FRMPD4: variants seen among roughly 807,000 people sequenced by gnomAD.
The protein encoded by FRMPD4 is FERM and PDZ domain-containing protein 4.
FRMPD4 carries 22 observed loss-of-function variants against 94.1 expected under a neutral mutation model. The observed-to-expected ratio is 0.23, with a 90% confidence interval of 0.17 to 0.33. FRMPD4 has a LOEUF of 0.33. Ranked by LOEUF, FRMPD4 falls within the 10% of genes least tolerant of loss-of-function variation. The pLI, the probability that FRMPD4 is intolerant of heterozygous loss-of-function variation, is 1.00. For missense variants in FRMPD4, 1,111 were observed against 1,339.9 expected (o/e 0.83, Z 2.67); for synonymous variants, 631 against 548.6 (o/e 1.15, Z -2.10).
chrX:12,479,462 A>G (rs1390859727), intron 1 of FRMPD4, among the ~76,000 whole-genome samples: 1 of 100,660 alleles, frequency 9.9e-6, no homozygotes, highest in Admixed American at 1.1e-4. Context: ...ATATGTATAT[A>G]TGTATATATA....
chrX:12,530,979 G>A (rs2058279888), intron 2 of FRMPD4, among the ~76,000 whole-genome samples: 1 of 110,994 alleles, frequency 9.0e-6, no homozygotes, highest in Non-Finnish European at 1.9e-5. Flanking sequence ...AGGGAAGTTA[G>A]TTTTAGGGAT....
chrX:12,703,746 C>T (rs770201349), intron 10 of FRMPD4, among the ~76,000 whole-genome samples: 2 of 111,834 alleles, frequency 1.8e-5, no homozygotes, highest in Non-Finnish European at 3.8e-5. Context: ...TGAATGAGAA[C>T]AGCATCTCCA....
At chrX:12,599,891 A>G (rs2059069083) in intron 2 of FRMPD4, among the ~76,000 whole-genome samples, 1 of 107,717 alleles carries the variant, frequency 9.3e-6, no homozygotes. Context: ...ACTGTAAATA[A>G]TATATTATGG....
intron 2 of FRMPD4, among the ~76,000 whole-genome samples, chrX:12,507,589 C>T (rs1393089845): frequency 8.9e-6 from 1 of 111,777 alleles, no homozygotes; most frequent in Non-Finnish European, 1.9e-5. Context: ...GAGGAGCTGA[C>T]ACATGTTTTA....
At chrX:12,317,590 AAAAAAAAAAAAAAC>A (rs1164155346) in intron 1 of FRMPD4, among the ~76,000 whole-genome samples, 5 of 107,177 alleles carry the variant, frequency 4.7e-5, no homozygotes, top group South Asian at 7.7e-4. Flanking sequence ...AATAGCAAAA[AAAAAAAAAAAAAAC>A]AAAAAAAACA....
chrX:12,431,244 A>G (rs773150696), intron 1 of FRMPD4, among the ~76,000 whole-genome samples: 2 of 112,664 alleles, frequency 1.8e-5, no homozygotes, highest in Non-Finnish European at 3.8e-5. Context: ...TCAAAATGCA[A>G]TGCATCCCCT....
At chrX:12,165,857 T>G (rs763873289) in intron 1 of FRMPD4, among the ~76,000 whole-genome samples, 25 of 111,296 alleles carry the variant, frequency 2.2e-4, no homozygotes, top group African/African-American at 8.2e-4. Context: ...TGTTTGTCTG[T>G]TATTGGTGTA....
intron 3 of FRMPD4, among the ~76,000 whole-genome samples, chrX:11,885,438 T>C (rs1456945008): frequency 9.0e-6 from 1 of 111,273 alleles, no homozygotes; most frequent in Admixed American, 9.6e-5. Flanking sequence ...CTTTCAGTTT[T>C]GCAAGATGAA....
chrX:11,966,629 G>A (rs2054311393), intron 3 of FRMPD4, among the ~76,000 whole-genome samples: 1 of 111,309 alleles, frequency 9.0e-6, no homozygotes, highest in African/African-American at 3.3e-5. Context: ...ATCCCAAAAT[G>A]TGGTTTTATC....
intron 1 of FRMPD4, among the ~76,000 whole-genome samples, chrX:12,258,240 A>G (rs1187190033): frequency 9.0e-6 from 1 of 111,536 alleles, no homozygotes; most frequent in Non-Finnish European, 1.9e-5. Flanking sequence ...CCAGTGCAAC[A>G]GTGTTGAGAG....
At chrX:12,095,344 C>G (rs1249083149) in intron 3 of FRMPD4, among the ~76,000 whole-genome samples, 1 of 105,712 alleles carries the variant, frequency 9.5e-6, no homozygotes, top group Non-Finnish European at 1.9e-5. Flanking sequence ...TGCCACTGCA[C>G]TCCAGCCTGG....
intron 1 of FRMPD4, among the ~76,000 whole-genome samples, chrX:12,170,516 A>C (rs1346774831): frequency 8.9e-6 from 1 of 112,224 alleles, no homozygotes; most frequent in African/African-American, 3.2e-5. Context: ...GTTATGTTCC[A>C]GCAGGTCTTA....
intron 1 of FRMPD4, among the ~76,000 whole-genome samples, chrX:12,384,226 A>AAAT (rs2056366100): frequency 8.9e-6 from 1 of 112,029 alleles, no homozygotes; most frequent in South Asian, 3.8e-4. Context: ...CATTAATATA[A>AAAT]AATTTAAGGC....
At position 12,520,186 on chromosome X, in the gene FRMPD4, A is replaced by C. The variant is rs905187899; in HGVS notation, c.158+21390A>C. Among the ~76,000 whole-genome samples, 11 of 112,032 alleles carry C rather than the reference A, an allele frequency of 9.8e-5. No homozygotes were observed. In the East Asian group the frequency reaches 3.1e-3, roughly 31 times the overall value. ...GATGAATAAACAAAATGTGGTCTTTACATATAGTGGAAAACTATGGAAATA... is the reference window on the plus strand; with the variant it reads ...GATGAATAAACAAAATGTGGTCTTTCCATATAGTGGAAAACTATGGAAATA... On this transcript the variant is annotated intron_variant, in intron 2 of 16. Transcript: ENST00000675598.
chrX:12,009,510 T>C (rs2054570861), intron 3 of FRMPD4, among the ~76,000 whole-genome samples: 2 of 112,472 alleles, frequency 1.8e-5, no homozygotes, highest in African/African-American at 6.5e-5. Flanking sequence ...ATTACTATTC[T>C]GCTTTTTCCG....
chrX:12,664,004 G>A (rs1181106867), intron 4 of FRMPD4, among the ~76,000 whole-genome samples: 2 of 112,109 alleles, frequency 1.8e-5, no homozygotes, highest in African/African-American at 6.5e-5. Context: ...CTCTCTGTTT[G>A]TCTATTATTG....
intron 1 of FRMPD4, among the ~76,000 whole-genome samples, chrX:12,265,742 T>A (rs993090940): frequency 9.4e-6 from 1 of 105,893 alleles, no homozygotes; most frequent in Admixed American, 1.0e-4. Flanking sequence ...TGATTAGATC[T>A]CAGTTAAGAA....
chrX:11,927,776 T>C (rs1158873155), intron 3 of FRMPD4, among the ~76,000 whole-genome samples: 1 of 111,435 alleles, frequency 9.0e-6, no homozygotes, highest in Non-Finnish European at 1.9e-5. Context: ...TAACTGTAAA[T>C]CCCAAAAGTA....
chrX:12,709,918 A>G (rs898678617), intron 13 of FRMPD4, among the ~76,000 whole-genome samples: 1 of 111,090 alleles, frequency 9.0e-6, no homozygotes, highest in African/African-American at 3.3e-5. Context: ...ATTTGAGATC[A>G]GGAGTTGGAG....
Sources: allele counts gnomAD v4.1 joint callset (sites outside exome capture counted in the v4.1 genomes callset), GRCh38; gene constraint gnomAD v4.1.1; transcripts MANE v1.5; gene names NCBI Gene and HGNC (gene_info 2026-07-23, HGNC 2026-07-21).